SEMA3E: variants seen among roughly 807,000 people sequenced by gnomAD.
The protein encoded by SEMA3E is semaphorin-3E.
In SEMA3E, 49 loss-of-function variants were observed where a neutral mutation model predicts 93.6. The observed-to-expected ratio is 0.52, with a 90% confidence interval of 0.42 to 0.66. The LOEUF (loss-of-function observed/expected upper bound fraction) is 0.66. SEMA3E is among the 30% of genes least tolerant of loss of function. The probability of loss-of-function intolerance (pLI) is 0.00; values close to 1 mark genes in which losing one functional copy is unlikely to be tolerated. For synonymous variants in SEMA3E, 363 were observed against 330.7 expected, an observed-to-expected ratio of 1.10 and a Z score of -1.06; for missense variants, 906 against 964.8, an observed-to-expected ratio of 0.94 and a Z score of 0.81.
At chr7:83,582,767 C>T (rs1584345752) in intron 1 of SEMA3E, among the ~76,000 whole-genome samples, 1 of 151,938 alleles carries the variant, frequency 6.6e-6, no homozygotes, top group East Asian at 1.9e-4. Flanking sequence ...AACAATAAAA[C>T]AAATATTTCA....
intron 1 of SEMA3E, among the ~76,000 whole-genome samples, chr7:83,593,284 CTGTGTGTGTG>C (rs66605514): frequency 1.5e-3 from 176 of 116,752 alleles, no homozygotes; most frequent in Middle Eastern, 4.2e-3. Flanking sequence ...CTCTCTCTCT[CTGTGTGTGTG>C]TGTGTGTGTG....
At chr7:83,456,741 G>A (rs1219517366) in intron 4 of SEMA3E, among the ~76,000 whole-genome samples, 1 of 151,996 alleles carries the variant, frequency 6.6e-6, no homozygotes, top group Admixed American at 6.6e-5. Context: ...AGCCTCCTGA[G>A]TAGTCAGGAT....
rs185264919 is a variant in SEMA3E at position 83,424,838 on chromosome 7, A to G, written c.457-6355T>C. On this transcript the variant is annotated intron_variant, in intron 4 of 16. Transcript: ENST00000643230. ...GATGATGCAGTGCGAGAAAAACTAGATCCAGAAATGCTTGCTTTGAAGATG... is the reference window on the plus strand; with the variant it reads ...GATGATGCAGTGCGAGAAAAACTAGGTCCAGAAATGCTTGCTTTGAAGATG... 8.1e-4 allele frequency: 173 copies of G among 213,038 alleles called. 2 individuals carry two copies. The East Asian group carries it at 0.012, about 14-fold the overall frequency. 13.2% of individuals were successfully genotyped at this position (213,038 alleles called of 1,614,324 possible).
intron 1 of SEMA3E, among the ~76,000 whole-genome samples, chr7:83,523,373 G>C (rs985266987): frequency 6.6e-6 from 1 of 152,034 alleles, no homozygotes; most frequent in Non-Finnish European, 1.5e-5. Flanking sequence ...AAAGAGGTCA[G>C]GGGATGGAGA....
intron 2 of SEMA3E, among the ~76,000 whole-genome samples, chr7:83,470,342 C>T (rs1460015334): frequency 3.9e-5 from 3 of 76,884 alleles, no homozygotes; most frequent in Non-Finnish European, 1.2e-4. Flanking sequence ...AAATTTTTTA[C>T]TTTATCACTT....
intron 2 of SEMA3E, among the ~76,000 whole-genome samples, chr7:83,480,627 A>G (rs773301868): frequency 6.6e-6 from 1 of 152,094 alleles, no homozygotes; most frequent in Non-Finnish European, 1.5e-5. Context: ...CCCTAAATAT[A>G]TTTTTGATAT....
intron 1 of SEMA3E, among the ~76,000 whole-genome samples, chr7:83,543,973 C>A (rs10248786): frequency 0.23 from 34,507 of 151,818 alleles, 4,076 homozygotes; most frequent in East Asian, 0.39. Flanking sequence ...TTTGATGTAA[C>A]CTTCCCTCCC....
intron 1 of SEMA3E, among the ~76,000 whole-genome samples, chr7:83,506,522 T>C: frequency 6.6e-6 from 1 of 151,494 alleles, no homozygotes; most frequent in East Asian, 1.9e-4. Context: ...TAAAAAAAAA[T>C]AGAATAAATA....
At chr7:83,468,553 T>TA (rs982951918) in intron 3 of SEMA3E, among the ~76,000 whole-genome samples, 9 of 142,582 alleles carry the variant, frequency 6.3e-5, no homozygotes, top group African/African-American at 8.6e-5. Context: ...TTTATATAGT[T>TA]TTTTTTTTTT....
chr7:83,395,718 GCT>G (rs1236271762), intron 12 of SEMA3E, among the ~76,000 whole-genome samples: 2 of 152,040 alleles, frequency 1.3e-5, no homozygotes, highest in African/African-American at 2.4e-5. Flanking sequence ...GCGCTGAAGT[GCT>G]GTTTAATGTT....
At chr7:83,634,813 A>G (rs1761741505) in intron 1 of SEMA3E, among the ~76,000 whole-genome samples, 2 of 151,966 alleles carry the variant, frequency 1.3e-5, no homozygotes, top group African/African-American at 4.8e-5. Context: ...TTCTCCATCT[A>G]CTTTCTTCTT....
intron 1 of SEMA3E, among the ~76,000 whole-genome samples, chr7:83,621,466 G>C (rs1225043291): frequency 2.0e-5 from 3 of 152,000 alleles, no homozygotes; most frequent in Non-Finnish European, 4.4e-5. Context: ...AACTACCACT[G>C]ACATTCTTCA....
intron 1 of SEMA3E, among the ~76,000 whole-genome samples, chr7:83,578,146 T>C (rs3930141): frequency 0.12 from 16,409 of 133,228 alleles, 944 homozygotes; most frequent in East Asian, 0.2. Context: ...AGTTTTCTCA[T>C]TAAAAAAAAA....
chr7:83,555,005 GA>G (rs72195795), intron 1 of SEMA3E, among the ~76,000 whole-genome samples: 19,699 of 144,774 alleles, frequency 0.14, 1,437 homozygotes, highest in East Asian at 0.2. Flanking sequence ...AATAAAAATG[GA>G]AAAAAAAAAG....
intron 5 of SEMA3E, among the ~76,000 whole-genome samples, chr7:83,412,014 A>C (rs573377091): frequency 1.3e-5 from 2 of 152,260 alleles, no homozygotes; most frequent in Admixed American, 6.5e-5. Flanking sequence ...CTGCTGTTTG[A>C]CCACCACAAA....
intron 1 of SEMA3E, among the ~76,000 whole-genome samples, chr7:83,592,668 C>A (rs970983365): frequency 6.6e-6 from 1 of 152,070 alleles, no homozygotes; most frequent in Non-Finnish European, 1.5e-5. Flanking sequence ...GCAGTTAATA[C>A]GTTGGTTTGG....
chr7:83,528,586 T>C (rs150670538), intron 1 of SEMA3E, among the ~76,000 whole-genome samples: 1 of 152,248 alleles, frequency 6.6e-6, no homozygotes, highest in East Asian at 1.9e-4. Context: ...CATTCAATTA[T>C]CTATACAGGC....
intron 1 of SEMA3E, among the ~76,000 whole-genome samples, chr7:83,593,459 T>C (rs1792803116): frequency 2.6e-5 from 4 of 151,944 alleles, no homozygotes; most frequent in African/African-American, 9.7e-5. Flanking sequence ...AAAATAATTA[T>C]AGCTACAATT....
intron 5 of SEMA3E, 128 bp downstream of exon 5, chr7:83,418,262 G>A (rs914973774): frequency 1.3e-5 from 10 of 741,684 alleles, no homozygotes; most frequent in South Asian, 4.6e-5. Flanking sequence ...TCATTGCTTC[G>A]AGCATCAGAA....
Sources: allele counts gnomAD v4.1 joint callset (sites outside exome capture counted in the v4.1 genomes callset), GRCh38; gene constraint gnomAD v4.1.1; transcripts MANE v1.5; gene names NCBI Gene and HGNC (gene_info 2026-07-23, HGNC 2026-07-21).